RPS6KA3: variants seen among roughly 807,000 people sequenced by gnomAD.
RPS6KA3 encodes ribosomal protein S6 kinase A3.
A neutral mutation model predicts 67.2 loss-of-function variants in RPS6KA3; 4 were observed. That is an observed-to-expected ratio of 0.06 (90% confidence interval 0.03 to 0.14). The LOEUF (loss-of-function observed/expected upper bound fraction) is 0.14. Ranked by LOEUF, RPS6KA3 falls within the 10% of genes least tolerant of loss-of-function variation. The probability of loss-of-function intolerance (pLI) is 1.00; values close to 1 mark genes in which losing one functional copy is unlikely to be tolerated. For synonymous variants in RPS6KA3, 182 were observed against 183.7 expected (o/e 0.99, Z 0.07); for missense variants, 204 against 559.0 (o/e 0.36, Z 6.40).
chrX:20,192,498 AAAG>A (rs773899871), intron 7 of RPS6KA3, among the ~76,000 whole-genome samples: 1 of 110,225 alleles, frequency 9.1e-6, no homozygotes, highest in Non-Finnish European at 1.9e-5. Flanking sequence ...ATAAATCACA[AAAG>A]AAGATTGGTA....
intron 1 of RPS6KA3, 34 bp downstream of exon 1, chrX:20,266,530 G>C: frequency 9.0e-7 from 1 of 1,108,662 alleles, no homozygotes; most frequent in African/African-American, 1.8e-5. Flanking sequence ...GCGAGGAGGA[G>C]ATGCGCCGGC....
At position 20,231,881 on chromosome X, in the gene RPS6KA3, G is replaced by A. The variant is rs367996369; in HGVS notation, c.126+2877C>T. Among the ~76,000 whole-genome samples the A allele has an allele frequency of 2.0e-4, 22 of 111,491 alleles. No homozygotes were observed. The East Asian group carries it at 2.5e-3, about 13-fold the overall frequency. On this transcript the variant is annotated intron_variant, in intron 2 of 21. Coordinates refer to ENST00000379565, the MANE Select transcript of RPS6KA3 (RefSeq NM_004586.3). ...CTGGCAAACACCAGAAGCTGGAATA[G>A]GCAACAAAGGAACCTCCCCGAGAGC... is the stretch of plus-strand genomic sequence containing the variant.
chrX:20,153,443 G>T lies in RPS6KA3; in HGVS notation c.*1955C>A, dbSNP rs2067135562. On this transcript the variant is annotated 3_prime_UTR_variant, in exon 22 of 22. Coordinates refer to ENST00000379565, the MANE Select transcript of RPS6KA3 (RefSeq NM_004586.3). The stretch of plus-strand genomic sequence containing the variant: ...ATAGATTTCCCCTTTCTCTTTAATT[G>T]CATAGAGGAGAAATTAAGGAATGAC... 1 of 111,038 alleles carries T rather than the reference G, an allele frequency of 9.0e-6. No individual in the cohort carries two copies. Among genetic ancestry groups the T allele is most frequent in the South Asian group, 3.8e-4 (1 of 2,657 alleles). The allele number at this position is 111,038 out of a possible 1,213,427, so 9.2% of individuals were successfully genotyped here.
At chrX:20,199,366 T>A (rs982564179) in intron 4 of RPS6KA3, among the ~76,000 whole-genome samples, 1 of 111,718 alleles carries the variant, frequency 9.0e-6, no homozygotes, top group Non-Finnish European at 1.9e-5. Context: ...TCTTAAATGT[T>A]TGACACTTTC....
At chrX:20,227,973 T>C (rs1569252637) in intron 2 of RPS6KA3, among the ~76,000 whole-genome samples, 1 of 111,897 alleles carries the variant, frequency 8.9e-6, no homozygotes, top group Non-Finnish European at 1.9e-5. Flanking sequence ...TACCTCTTAT[T>C]GTTCTACTTT....
chrX:20,260,435 T>A (rs2070193663), intron 1 of RPS6KA3, among the ~76,000 whole-genome samples: 1 of 111,977 alleles, frequency 8.9e-6, no homozygotes, highest in African/African-American at 3.2e-5. Context: ...CTTTCTTCCT[T>A]CTTCCACATA....
chrX:20,255,133 A>C (rs5955897), intron 1 of RPS6KA3, among the ~76,000 whole-genome samples: 41,643 of 111,327 alleles, frequency 0.37, 9,308 homozygotes, highest in African/African-American at 0.85. Context: ...TATATCCATA[A>C]AATAGATTAT....
At chrX:20,253,328 CAGT>C (rs1873522916) in intron 1 of RPS6KA3, among the ~76,000 whole-genome samples, 1 of 110,831 alleles carries the variant, frequency 9.0e-6, no homozygotes, top group African/African-American at 3.3e-5. Flanking sequence ...ACCTTTCCCC[CAGT>C]TGTTTGTCTA....
chrX:20,155,016 T>C lies in RPS6KA3; in HGVS notation c.*382A>G. ...GATTGTTTAAGCTAAGTGCTTAACATAAACTGTCCATCCCTATAACTAACA... is the reference window on the plus strand; with the variant it reads ...GATTGTTTAAGCTAAGTGCTTAACACAAACTGTCCATCCCTATAACTAACA... On this transcript the variant is annotated 3_prime_UTR_variant, in exon 22 of 22. Transcript: ENST00000379565. The C allele has an allele frequency of 4.1e-6, 1 of 243,109 alleles. No homozygotes were observed. The highest frequency in any genetic ancestry group is 4.7e-5 in the South Asian group (1 of 21,363). 20.0% of individuals were successfully genotyped at this position (243,109 alleles called of 1,213,427 possible).
chrX:20,258,630 A>C, intron 1 of RPS6KA3, among the ~76,000 whole-genome samples: 1 of 112,164 alleles, frequency 8.9e-6, no homozygotes, highest in African/African-American at 3.2e-5. Flanking sequence ...TGAAGATGAG[A>C]TTATCACCAT....
Position 20,153,470 on chromosome X carries a change from A to G in RPS6KA3, c.*1928T>C, listed in dbSNP as rs1187946825. 9.0e-6 allele frequency: 1 copy of G among 111,711 alleles called. No homozygotes were observed. 9.2% of individuals were successfully genotyped at this position (111,711 alleles called of 1,213,427 possible). On this transcript the variant is annotated 3_prime_UTR_variant, in exon 22 of 22. Coordinates refer to ENST00000379565, the MANE Select transcript of RPS6KA3 (RefSeq NM_004586.3). ...ATAGAGGAGAAATTAAGGAATGACAAGTGGATTTCAGGACATTTAGATAAA... is the reference window on the plus strand; with the variant it reads ...ATAGAGGAGAAATTAAGGAATGACAGGTGGATTTCAGGACATTTAGATAAA...
intron 1 of RPS6KA3, among the ~76,000 whole-genome samples, chrX:20,247,250 ACT>A (rs2069715160): frequency 1.8e-5 from 2 of 109,561 alleles, no homozygotes; most frequent in African/African-American, 3.3e-5. Flanking sequence ...ACATGGTGAA[ACT>A]CTGTCTCTAC....
At chrX:20,218,809 G>A in intron 2 of RPS6KA3, 1 of 1,183,832 alleles carries the variant, frequency 8.4e-7, no homozygotes, top group Non-Finnish European at 1.1e-6. Context: ...CCTGTATAGA[G>A]CGAACACGAA....
intron 1 of RPS6KA3, among the ~76,000 whole-genome samples, chrX:20,249,964 A>G (rs1441369763): frequency 8.9e-6 from 1 of 111,984 alleles, no homozygotes; most frequent in Non-Finnish European, 1.9e-5. Context: ...TTATTGTTTT[A>G]CCTATAGGTG....
At chrX:20,243,311 G>C (rs2069597439) in intron 1 of RPS6KA3, among the ~76,000 whole-genome samples, 1 of 111,771 alleles carries the variant, frequency 8.9e-6, no homozygotes, top group African/African-American at 3.3e-5. Flanking sequence ...ATTAAGCCAA[G>C]ATAGGTATGT....
chrX:20,229,730 T>G (rs2069212898), intron 2 of RPS6KA3, among the ~76,000 whole-genome samples: 1 of 112,458 alleles, frequency 8.9e-6, no homozygotes, highest in Non-Finnish European at 1.9e-5. Context: ...TTGACAATCT[T>G]TTGTATTTAA....
intron 14 of RPS6KA3, among the ~76,000 whole-genome samples, chrX:20,174,133 C>G (rs1363183936): frequency 2.7e-5 from 3 of 110,606 alleles, no homozygotes; most frequent in Non-Finnish European, 5.7e-5. Context: ...GCCCATATAG[C>G]CCACAAAGCC....
At position 20,172,778 on chromosome X, in the gene RPS6KA3, G is replaced by A. The variant is rs1406854160; in HGVS notation, c.1321C>T (p.His441Tyr). ...GSYSVCKRCI[H>Y]KATNMEFAVK... ...GCAAACTCCATGTTTGTAGCTTTATGTATACATCTCTTGCAAACAGAGTAG... is the reference window on the plus strand; with the variant it reads ...GCAAACTCCATGTTTGTAGCTTTATATATACATCTCTTGCAAACAGAGTAG... Residue 441 changes from histidine to tyrosine, a missense_variant, in exon 15 of 22, where the codon CAT becomes TAT. By Grantham distance (83) the His-to-Tyr change is moderately conservative (BLOSUM62 2). Transcript: ENST00000379565. The A allele has an allele frequency of 1.7e-6, 2 of 1,203,378 alleles. No homozygotes were observed. Among genetic ancestry groups the A allele is most frequent in the Admixed American group, 2.2e-5 (1 of 45,699 alleles).
At position 20,194,943 on chromosome X, in the gene RPS6KA3, T is replaced by C. The variant is rs753846658; in HGVS notation, c.406+122A>G. ...ATAATGGCTTAATTTTCATGACTTA[T>C]TACTATATAGATCTGCTAACCACAT... On this transcript the variant is annotated intron_variant, in intron 5 of 21. Transcript: ENST00000379565. 5.6e-4 allele frequency: 233 copies of C among 419,275 alleles called. 2 individuals carry two copies. The highest frequency in any genetic ancestry group is 1.2e-3 in the South Asian group (25 of 21,511). The allele number at this position is 419,275 out of a possible 1,213,427, so 34.6% of individuals were successfully genotyped here. A position where few individuals can be genotyped will look rare whatever the true frequency, so the allele number is the denominator to read the frequency against.
Sources: allele counts gnomAD v4.1 joint callset (sites outside exome capture counted in the v4.1 genomes callset), GRCh38; gene constraint gnomAD v4.1.1; transcripts MANE v1.5; gene names NCBI Gene and HGNC (gene_info 2026-07-23, HGNC 2026-07-21).